Variants in MTA3 observed in about 807,000 individuals in gnomAD.
The protein encoded by MTA3 is metastasis associated 1 family member 3.
In MTA3, 34 loss-of-function variants were observed where a neutral mutation model predicts 83.5. The observed-to-expected ratio is 0.41, with a 90% CI of 0.31 to 0.54. MTA3 has a LOEUF of 0.54. Among genes scored for constraint, MTA3 ranks in the 20% least tolerant of loss-of-function variants. MTA3 has a pLI of 0.33. For missense variants in MTA3, 761 were observed against 726.4 expected (o/e 1.05, Z -0.55); for synonymous variants, 303 against 252.7 (o/e 1.20, Z -1.89).
intron 9 of MTA3, among the ~76,000 whole-genome samples, chr2:42,694,575 CTG>C (rs1225961422): frequency 6.6e-6 from 1 of 152,106 alleles, no homozygotes; most frequent in Non-Finnish European, 1.5e-5. Flanking sequence ...CCCCTGGTCA[CTG>C]TGATGTTCTT....
At chr2:42,738,886 A>G (rs1668809068) in intron 16 of MTA3, among the ~76,000 whole-genome samples, 1 of 152,164 alleles carries the variant, frequency 6.6e-6, no homozygotes. Context: ...TAGGAAGAGG[A>G]AATTCCTGCT....
intron 14 of MTA3, among the ~76,000 whole-genome samples, chr2:42,716,557 G>A (rs1002273307): frequency 6.6e-6 from 1 of 152,000 alleles, no homozygotes; most frequent in East Asian, 1.9e-4. Flanking sequence ...ATTTAGCTCC[G>A]ACTCATAAGT....
chr2:42,674,602 T>C (rs1257913221), intron 8 of MTA3, among the ~76,000 whole-genome samples: 118 of 142,110 alleles, frequency 8.3e-4, no homozygotes, highest in Non-Finnish European at 9.4e-4. Context: ...TCTTCTTTTT[T>C]TTTTTTTTTT....
At chr2:42,636,921 G>C (rs1687261718) in intron 4 of MTA3, among the ~76,000 whole-genome samples, 1 of 152,064 alleles carries the variant, frequency 6.6e-6, no homozygotes, top group African/African-American at 2.4e-5. Flanking sequence ...CACTGCGCCT[G>C]GCCCTCCTCT....
chr2:42,663,579 A>G (rs1168517258), intron 8 of MTA3, among the ~76,000 whole-genome samples: 2 of 152,140 alleles, frequency 1.3e-5, no homozygotes. Flanking sequence ...TAGGCAACAT[A>G]ACAAGACTCT....
intron 3 of MTA3, among the ~76,000 whole-genome samples, chr2:42,587,497 T>C (rs1680481803): frequency 6.6e-6 from 1 of 152,202 alleles, no homozygotes; most frequent in South Asian, 2.1e-4. Context: ...CATACAAAAA[T>C]GTATACACAC....
chr2:42,660,556 T>C (rs1483702752), intron 8 of MTA3, among the ~76,000 whole-genome samples: 1 of 152,202 alleles, frequency 6.6e-6, no homozygotes, highest in Non-Finnish European at 1.5e-5. Flanking sequence ...TTCTCTGCAC[T>C]CCAGAAAAGT....
At chr2:42,581,732 A>C (rs1444811431) in intron 3 of MTA3, 1 of 280,734 alleles carries the variant, frequency 3.6e-6, no homozygotes, top group Non-Finnish European at 7.0e-6. Context: ...TCCAAAGTAT[A>C]TGAACATAAA....
chr2:42,543,051 G>A (rs745417435), intron 2 of MTA3, among the ~76,000 whole-genome samples: 1 of 151,988 alleles, frequency 6.6e-6, no homozygotes, highest in Admixed American at 6.6e-5. Context: ...AAGAGCTCAG[G>A]ACAAATTCTT....
At chr2:42,598,312 G>A (rs891903782) in intron 3 of MTA3, among the ~76,000 whole-genome samples, 8 of 149,020 alleles carry the variant, frequency 5.4e-5, no homozygotes, top group Admixed American at 2.7e-4. Context: ...TGATCCACCC[G>A]CCTCGGCCTC....
chr2:42,670,692 G>A (rs915532886), intron 8 of MTA3, among the ~76,000 whole-genome samples: 2 of 151,542 alleles, frequency 1.3e-5, no homozygotes, highest in Admixed American at 1.3e-4. Context: ...GATCTGCTGG[G>A]GCCTAGTGCG....
chr2:42,597,671 A>G (rs1573152793), intron 3 of MTA3, among the ~76,000 whole-genome samples: 1 of 126,886 alleles, frequency 7.9e-6, no homozygotes, highest in Non-Finnish European at 1.6e-5. Context: ...GGTGTGAGCC[A>G]CCTCACCCAC....
At chr2:42,496,202 G>T (rs1674123307) in intron 2 of MTA3, among the ~76,000 whole-genome samples, 1 of 152,138 alleles carries the variant, frequency 6.6e-6, no homozygotes, top group Non-Finnish European at 1.5e-5. Context: ...AAATTAATTT[G>T]ATGACAATAC....
intron 15 of MTA3, among the ~76,000 whole-genome samples, chr2:42,722,328 T>C (rs895068336): frequency 6.6e-6 from 1 of 152,208 alleles, no homozygotes; most frequent in Admixed American, 6.5e-5. Context: ...AAGCATTTCA[T>C]CTACCTCTTG....
intron 6 of MTA3, among the ~76,000 whole-genome samples, chr2:42,644,893 T>C (rs1054780580): frequency 2.0e-5 from 3 of 151,978 alleles, no homozygotes; most frequent in Non-Finnish European, 4.4e-5. Context: ...TCTCCTGGGG[T>C]CTCCCTATTT....
At chr2:42,626,320 C>T (rs187342904) in intron 4 of MTA3, among the ~76,000 whole-genome samples, 13 of 150,744 alleles carry the variant, frequency 8.6e-5, no homozygotes, top group South Asian at 2.1e-4. Context: ...TTTTTTGATT[C>T]GGAGTCTCAC....
At chr2:42,658,459 A>G (rs1403797495) in intron 7 of MTA3, among the ~76,000 whole-genome samples, 4 of 152,204 alleles carry the variant, frequency 2.6e-5, no homozygotes, top group African/African-American at 9.6e-5. Flanking sequence ...ACGTCGTACA[A>G]CGGAATGTCG....
At chr2:42,556,944 T>C (rs1290808639) in intron 2 of MTA3, among the ~76,000 whole-genome samples, 2 of 152,056 alleles carry the variant, frequency 1.3e-5, no homozygotes, top group Non-Finnish European at 2.9e-5. Flanking sequence ...CCAGCCAAGA[T>C]CAAGGGCAGA....
At chr2:42,697,650 A>G in intron 10 of MTA3, 126 bp from the exon 11 acceptor site, 1 of 656,912 alleles carries the variant, frequency 1.5e-6, no homozygotes, top group South Asian at 2.1e-5. Flanking sequence ...CATATGAAAG[A>G]AAAGCTTAAG....
Sources: allele counts gnomAD v4.1 joint callset (sites outside exome capture counted in the v4.1 genomes callset), GRCh38; gene constraint gnomAD v4.1.1; transcripts MANE v1.5; gene names NCBI Gene and HGNC (gene_info 2026-07-23, HGNC 2026-07-21).